The following TRAPPC9 variants were observed in gnomAD, a reference collection of about 807,000 sequenced individuals.
TRAPPC9 encodes the protein IKK2 binding protein.
TRAPPC9 carries 83 observed loss-of-function variants against 124.0 expected under a neutral mutation model. The ratio of observed to expected loss-of-function variants is 0.67; its 90% CI spans 0.56 to 0.80. The LOEUF (loss-of-function observed/expected upper bound fraction) is 0.80, where lower values mean the gene tolerates loss of function less well. TRAPPC9 is among the 30% of genes least tolerant of loss of function. TRAPPC9 has a pLI of 0.00. For missense variants in TRAPPC9, 1,302 were observed against 1,508.3 expected, an observed-to-expected ratio of 0.86 and a Z score of 2.27; for synonymous variants, 638 against 617.5, an observed-to-expected ratio of 1.03 and a Z score of -0.49.
intron 21 of TRAPPC9, among the ~76,000 whole-genome samples, chr8:139,866,823 CCT>C (rs949812682): frequency 7.2e-5 from 11 of 152,042 alleles, no homozygotes; most frequent in Non-Finnish European, 1.5e-4. Context: ...CCAGCTCCAT[CCT>C]CTGAGAATGC....
chr8:140,195,248 C>T (rs1158607560), intron 17 of TRAPPC9, among the ~76,000 whole-genome samples: 4 of 150,314 alleles, frequency 2.7e-5, no homozygotes, highest in Non-Finnish European at 1.5e-5. Flanking sequence ...ACCTGTGACA[C>T]TAAAACACAC....
chr8:140,444,566 T>C (rs1033610835), intron 2 of TRAPPC9, among the ~76,000 whole-genome samples: 1 of 151,924 alleles, frequency 6.6e-6, no homozygotes, highest in African/African-American at 2.4e-5. Flanking sequence ...CGTGGAATAA[T>C]ATAGAAAACC....
chr8:140,266,792 G>A (rs1322668888), intron 15 of TRAPPC9, among the ~76,000 whole-genome samples: 6 of 151,958 alleles, frequency 3.9e-5, no homozygotes, highest in Non-Finnish European at 7.4e-5. Context: ...CCCGGGAGGC[G>A]GAGCTTGCAG....
intron 18 of TRAPPC9, among the ~76,000 whole-genome samples, chr8:140,010,404 C>A (rs190087132): frequency 6.6e-6 from 1 of 152,048 alleles, no homozygotes; most frequent in Non-Finnish European, 1.5e-5. Flanking sequence ...TAAAAATGTT[C>A]GCAAAAGGTG....
intron 2 of TRAPPC9, among the ~76,000 whole-genome samples, chr8:140,441,845 G>A (rs1247238957): frequency 1.3e-5 from 2 of 152,028 alleles, no homozygotes; most frequent in African/African-American, 4.8e-5. Context: ...ATTTATAGGA[G>A]TCAGCCACTG....
intron 21 of TRAPPC9, among the ~76,000 whole-genome samples, chr8:139,850,431 C>T (rs1827369508): frequency 6.6e-6 from 1 of 152,242 alleles, no homozygotes; most frequent in Non-Finnish European, 1.5e-5. Flanking sequence ...CTCTTGGTGG[C>T]TCTCTTGCCA....
At chr8:139,848,012 C>T (rs567853965) in intron 21 of TRAPPC9, among the ~76,000 whole-genome samples, 21 of 152,380 alleles carry the variant, frequency 1.4e-4, no homozygotes, top group East Asian at 7.7e-4. Flanking sequence ...TGGAACAAGG[C>T]CCCTAGCCCC....
rs149557444 is a variant in TRAPPC9 at position 140,407,077 on chromosome 8, C to T, written c.887-1379G>A. 8.0e-3 allele frequency among the ~76,000 whole-genome samples: 1,224 copies of T among 152,304 alleles called. 6 individuals carry two copies. Among genetic ancestry groups the T allele is most frequent in the Non-Finnish European group, 0.013 (866 of 68,036 alleles). ...TCACACTCAGCGGAAGCAGGACCTA[C>T]GTCAGGAACATCCACACGTGTCATC... On this transcript the variant is annotated intron_variant, in intron 5 of 22. Transcript: ENST00000438773.
chr8:140,429,086 G>GT (rs71320358), intron 4 of TRAPPC9, among the ~76,000 whole-genome samples: 65,739 of 142,974 alleles, frequency 0.46, 16,221 homozygotes, highest in Middle Eastern at 0.59. Context: ...TTCTGTTTTT[G>GT]TTTTTTTTTT....
rs78235560 is a variant in TRAPPC9, at chr8:140,368,821, G to C, written c.1351+2143C>G. Among the ~76,000 whole-genome samples, 595 of 152,252 alleles carry C rather than the reference G, an allele frequency of 3.9e-3. 3 individuals are homozygous for C. The highest frequency in any genetic ancestry group is 6.2e-3 in the Non-Finnish European group (420 of 68,028). On this transcript the variant is annotated intron_variant, in intron 8 of 22. Coordinates refer to ENST00000438773, the MANE Select transcript of TRAPPC9 (RefSeq NM_001160372.4). The stretch of plus-strand genomic sequence containing the variant: ...AGTGCCCTCCTTTTAAATGAGGCAG[G>C]AGGATCGCTTCAGCCCAAGAGTTTG...
At chr8:140,426,430 C>T (rs577826593) in intron 5 of TRAPPC9, among the ~76,000 whole-genome samples, 185 bp downstream of exon 5, 2 of 152,312 alleles carry the variant, frequency 1.3e-5, no homozygotes, top group South Asian at 2.1e-4. Flanking sequence ...CATAAAGCAA[C>T]GGGGTGCCCA....
At chr8:140,326,823 G>T (rs1269305576) in intron 9 of TRAPPC9, among the ~76,000 whole-genome samples, 1 of 152,218 alleles carries the variant, frequency 6.6e-6, no homozygotes, top group Non-Finnish European at 1.5e-5. Flanking sequence ...CAAGGCTGCA[G>T]TGAGTCCTGA....
intron 5 of TRAPPC9, among the ~76,000 whole-genome samples, chr8:140,419,443 A>AC (rs1323488974): frequency 2.6e-4 from 35 of 134,186 alleles, no homozygotes; most frequent in Middle Eastern, 4.3e-3. Context: ...AAAAAAAAAA[A>AC]AAAAAAAAAC....
chr8:139,744,193 G>A (rs1818742423), intron 21 of TRAPPC9, among the ~76,000 whole-genome samples: 1 of 152,200 alleles, frequency 6.6e-6, no homozygotes. Context: ...ACTCTTTATT[G>A]TATATCCAGA....
At chr8:140,425,744 T>C (rs945612401) in intron 5 of TRAPPC9, among the ~76,000 whole-genome samples, 2 of 152,176 alleles carry the variant, frequency 1.3e-5, no homozygotes, top group African/African-American at 4.8e-5. Flanking sequence ...GGCTTTCAGC[T>C]CTTCAGTGGC....
At chr8:140,167,034 A>C (rs576079857) in intron 17 of TRAPPC9, among the ~76,000 whole-genome samples, 2 of 152,276 alleles carry the variant, frequency 1.3e-5, no homozygotes, top group Admixed American at 1.3e-4. Flanking sequence ...AAGACCAAAA[A>C]AGGTAGCTGA....
At chr8:140,127,385 T>C (rs1240304702) in intron 17 of TRAPPC9, among the ~76,000 whole-genome samples, 3 of 152,224 alleles carry the variant, frequency 2.0e-5, no homozygotes, top group Non-Finnish European at 4.4e-5. Flanking sequence ...GAATTAAATT[T>C]ATTTTTGGTG....
intron 11 of TRAPPC9, 198 bp from the exon 12 acceptor site, chr8:140,291,276 C>A: frequency 1.6e-6 from 1 of 645,096 alleles, no homozygotes. Flanking sequence ...GTCACTGGCA[C>A]TTTGATGCCA....
At chr8:140,330,010 C>T (rs1043965275) in intron 9 of TRAPPC9, among the ~76,000 whole-genome samples, 4 of 152,014 alleles carry the variant, frequency 2.6e-5, no homozygotes, top group Non-Finnish European at 5.9e-5. Context: ...ACCTGGGAGG[C>T]AGAAGTTGCA....
Sources: gnomAD v4.1 joint callset for allele counts (sites outside exome capture counted in the v4.1 genomes callset) on GRCh38, gnomAD v4.1.1 for gene constraint, MANE v1.5 for transcripts, NCBI Gene and HGNC (gene_info 2026-07-23, HGNC 2026-07-21) for gene names.